MDM1: variants seen among roughly 807,000 people sequenced by gnomAD.
MDM1 encodes Mdm1 nuclear protein.
In MDM1, 61 loss-of-function variants were observed where a neutral mutation model predicts 89.1. That is an observed-to-expected ratio of 0.68 (90% CI 0.56 to 0.85). MDM1 has a LOEUF of 0.85. Among genes scored for constraint, MDM1 ranks in the 40% least tolerant of loss-of-function variants. The pLI is 0.00. For missense variants in MDM1, 820 were observed against 846.5 expected (o/e 0.97, Z 0.39); for synonymous variants, 290 against 294.1 (o/e 0.99, Z 0.14).
At chr12:68,321,309 A>G in intron 7 of MDM1, 38 bp downstream of exon 7, 1 of 1,512,540 alleles carries the variant, frequency 6.6e-7, no homozygotes, top group Admixed American at 2.0e-5. Flanking sequence ...ACAGAGGCTG[A>G]AAGAACATGT....
Position 68,325,459 on chromosome 12 carries a change from TG to T in MDM1, c.614del (p.Pro205GlnfsTer40). On this transcript the variant is annotated frameshift_variant, in exon 4 of 15. Transcript: ENST00000682720. LOFTEE classifies it high-confidence loss of function. Reference protein sequence around the residue: ...FVWKTSKETAPAFAANQVFHN... With the variant: ...FVWKTSKETAXAFAANQVFHN... ...AAGCTACCTGATTGGCTGCAAAAGC[TG>T]GAGCAGTTTCTTTAGAAGTCTTCCA... 6.3e-7 allele frequency: 1 copy of T among 1,583,716 alleles called. No homozygotes were observed. Among genetic ancestry groups the T allele is most frequent in the Non-Finnish European group, 8.6e-7 (1 of 1,167,182 alleles).
Position 68,315,166 on chromosome 12 carries a change from C to A in MDM1, c.1311G>T (p.Glu437Asp). 2 of 1,614,184 alleles carry A rather than the reference C, an allele frequency of 1.2e-6. No homozygotes were observed. The highest frequency in any genetic ancestry group is 1.7e-6 in the Non-Finnish European group (2 of 1,180,040). ...TGGTGGGAGCTGACACACCCAATTT[C>A]TCCGTGGTATTTTTCTGGGGCTGTT... ...VEEQPQKNTT[E>D]KLGVSAPTIP... Residue 437 changes from glutamate to aspartate, a missense_variant, in exon 10 of 15, where the codon GAG becomes GAT. By Grantham distance (45) the Glu-to-Asp change is conservative. Coordinates refer to ENST00000682720, the MANE Select transcript of MDM1 (RefSeq NM_001354969.2).
At position 68,295,284 on chromosome 12, in the gene MDM1, T is replaced by C; in HGVS notation, c.2145A>G (p.Lys715=). The C allele has an allele frequency of 6.2e-7, 1 of 1,612,622 alleles. No individual in the cohort carries two copies. Among genetic ancestry groups the C allele is most frequent in the South Asian group, 1.1e-5 (1 of 90,840 alleles). Residue 715 remains lysine, a synonymous_variant, in exon 15 of 15, where the codon AAA becomes AAG. Transcript: ENST00000682720. Reference sequence around the variant, plus strand: ...TTTTACCCCAGAAATTCTCCTTCCTTTTCTTAGCTCGTGCCAGAGTTTGAA... The same window carrying C: ...TTTTACCCCAGAAATTCTCCTTCCTCTTCTTAGCTCGTGCCAGAGTTTGAA... The part of the protein sequence containing the change: ...RAFQTLARAK[K]RKENFWGKT
intron 12 of MDM1, among the ~76,000 whole-genome samples, chr12:68,312,482 CT>C (rs1412051742): frequency 6.6e-6 from 1 of 152,082 alleles, no homozygotes; most frequent in Non-Finnish European, 1.5e-5. Flanking sequence ...TTTATATGAC[CT>C]TCACTGCCAC....
rs188114794 is a variant in MDM1 at position 68,326,816 on chromosome 12, G to A, written c.339C>T (p.Ser113=). ...TQERVHSLEA[S]RVPKRTRSHS... is the part of the protein sequence containing the mutation. ...GAGATCTGGTTCTTTTGGGAACCCT[G>A]GAAGCTTCTAGTGAGTGAACTCTTT... Residue 113 remains serine (S), a synonymous_variant, in exon 3 of 15, where the codon TCC becomes TCT. Coordinates refer to ENST00000682720, the MANE Select transcript of MDM1 (RefSeq NM_001354969.2). 1 of 1,613,792 alleles carries A rather than the reference G, an allele frequency of 6.2e-7. No individual in the cohort carries two copies. Among genetic ancestry groups the A allele is most frequent in the Admixed American group, 1.7e-5 (1 of 59,992 alleles).
At chr12:68,332,120 G>T in intron 1 of MDM1, 108 bp downstream of exon 1, 1 of 1,475,248 alleles carries the variant, frequency 6.8e-7, no homozygotes, top group Non-Finnish European at 9.2e-7. Context: ...GGCAGCTTCC[G>T]CCGGGCAGAG....
chr12:68,325,609 A>C, intron 3 of MDM1, 34 bp from the exon 4 acceptor site: 1 of 1,474,864 alleles, frequency 6.8e-7, no homozygotes, highest in Non-Finnish European at 9.0e-7. Context: ...CAAAGACATT[A>C]AAAATTTCTA....
At chr12:68,305,204 T>C (rs986518538) in intron 12 of MDM1, among the ~76,000 whole-genome samples, 3 of 152,124 alleles carry the variant, frequency 2.0e-5, no homozygotes, top group African/African-American at 7.2e-5. Context: ...AAGCATTTGA[T>C]AAAGTCCAAT....
intron 13 of MDM1, among the ~76,000 whole-genome samples, chr12:68,300,714 G>A (rs568081496): frequency 4.6e-5 from 7 of 152,226 alleles, no homozygotes; most frequent in South Asian, 2.1e-4. Context: ...TAATAATAGC[G>A]AGTGACTTCA....
In MDM1 at chr12:68,323,058, A is replaced by G. The variant is rs1565782387; in HGVS notation, c.801+15T>C. 1.3e-6 allele frequency: 2 copies of G among 1,589,910 alleles called. No individual in the cohort carries two copies. The highest frequency in any genetic ancestry group is 2.3e-5 in the East Asian group (1 of 43,418). ...ACGGGGATTTTGTTTTGTAAGGTTA[A>G]AAGTTGATGAATACCTTCCTTTCAG... On this transcript the variant is annotated intron_variant, in intron 5 of 14. Coordinates refer to ENST00000682720, the MANE Select transcript of MDM1 (RefSeq NM_001354969.2).
chr12:68,313,140 T>G (rs1028687698), intron 12 of MDM1, among the ~76,000 whole-genome samples: 8 of 152,200 alleles, frequency 5.3e-5, no homozygotes, highest in African/African-American at 1.7e-4. Context: ...CCCCAGCACT[T>G]AAAACAATGC....
intron 3 of MDM1, chr12:68,326,048 G>A (rs1592991365): frequency 8.0e-6 from 8 of 995,840 alleles, no homozygotes; most frequent in African/African-American, 3.5e-5. Flanking sequence ...GTCCCAGTCA[G>A]TGGTGGACAT....
chr12:68,329,137 A>C (rs1876429778), intron 2 of MDM1, among the ~76,000 whole-genome samples: 1 of 152,166 alleles, frequency 6.6e-6, no homozygotes, highest in Non-Finnish European at 1.5e-5. Context: ...TTGGATTCTT[A>C]ATCTAATGGA....
In MDM1 at chr12:68,332,341, G is replaced by T; in HGVS notation, c.-96C>A. The T allele has an allele frequency of 3.5e-6, 5 of 1,414,388 alleles. No individual in the cohort carries two copies. The highest frequency in any genetic ancestry group is 1.8e-4 in the Middle Eastern group (1 of 5,508). 87.6% of individuals were successfully genotyped at this position (1,414,388 alleles called of 1,614,324 possible). ...TAACAGTGTTCCCTAGCAAAGCCTC[G>T]GCCCGGCGTCCCCGACTACGCGCCG... On this transcript the variant is annotated 5_prime_UTR_variant, in exon 1 of 15. Transcript: ENST00000682720.
rs1876981688 is a variant in MDM1, at chr12:68,332,338, C to T, written c.-93G>A. On this transcript the variant is annotated 5_prime_UTR_variant, in exon 1 of 15. Coordinates refer to ENST00000682720, the MANE Select transcript of MDM1 (RefSeq NM_001354969.2). ...CGATAACAGTGTTCCCTAGCAAAGC[C>T]TCGGCCCGGCGTCCCCGACTACGCG... 12 of 1,424,546 alleles carry T rather than the reference C, an allele frequency of 8.4e-6. No individual in the cohort carries two copies. Among genetic ancestry groups the T allele is most frequent in the Non-Finnish European group, 1.0e-5 (11 of 1,069,630 alleles). The allele number at this position is 1,424,546 out of a possible 1,614,324, so 88.2% of individuals were successfully genotyped here.
At chr12:68,323,477 G>A (rs3087724) in intron 4 of MDM1, 246,499 of 338,766 alleles carry the variant, frequency 0.73, 90,584 homozygotes, top group African/African-American at 0.83. Context: ...CAAAATAAAC[G>A]TTGGCATATT....
chr12:68,328,710 A>C (rs888146333), intron 2 of MDM1, among the ~76,000 whole-genome samples: 2 of 152,192 alleles, frequency 1.3e-5, no homozygotes, highest in African/African-American at 4.8e-5. Context: ...TGGTAGAAGC[A>C]CAAAATGAAA....
Position 68,315,384 on chromosome 12 carries a change from T to C in MDM1, c.1212-119A>G, listed in dbSNP as rs942628116. On this transcript the variant is annotated intron_variant, in intron 9 of 14. Transcript: ENST00000682720. ...TTCACAACTACATGTTTTCCATAGATATTGCCTTGCTCAGGTATTGAAGAA... is the reference window on the plus strand; with the variant it reads ...TTCACAACTACATGTTTTCCATAGACATTGCCTTGCTCAGGTATTGAAGAA... 1.5e-4 allele frequency: 141 copies of C among 917,340 alleles called. 1 individual carries two copies. The highest frequency in any genetic ancestry group is 2.2e-4 in the Non-Finnish European group (133 of 612,816). The allele number at this position is 917,340 out of a possible 1,614,324, so 56.8% of individuals were successfully genotyped here. A position where few individuals can be genotyped will look rare whatever the true frequency, so the allele number is the denominator to read the frequency against.
intron 12 of MDM1, among the ~76,000 whole-genome samples, chr12:68,305,427 A>T (rs1653552963): frequency 6.6e-6 from 1 of 152,210 alleles, no homozygotes; most frequent in South Asian, 2.1e-4. Context: ...CGGGCAAGAA[A>T]AAGAAACAAA....
Sources: gnomAD v4.1 joint callset for allele counts (sites outside exome capture counted in the v4.1 genomes callset) on GRCh38, gnomAD v4.1.1 for gene constraint, MANE v1.5 for transcripts, NCBI Gene and HGNC (gene_info 2026-07-23, HGNC 2026-07-21) for gene names.